The following PCDH15 variants were observed in gnomAD, a reference collection of about 807,000 sequenced individuals.
PCDH15 encodes protocadherin related 15.
A neutral mutation model predicts 178.5 loss-of-function variants in PCDH15; 129 were observed. That is an observed-to-expected ratio of 0.72 (90% confidence interval 0.63 to 0.84). The LOEUF (loss-of-function observed/expected upper bound fraction) is 0.84, where lower values mean the gene tolerates loss of function less well. Ranked by LOEUF, PCDH15 falls within the 40% of genes least tolerant of loss-of-function variation. The pLI, the probability that PCDH15 is intolerant of heterozygous loss-of-function variation, is 0.00. For synonymous variants in PCDH15, 800 were observed against 732.0 expected (o/e 1.09, Z -1.50); for missense variants, 2,230 against 2,099.9 (o/e 1.06, Z -1.21).
intron 8 of PCDH15, among the ~76,000 whole-genome samples, chr10:54,259,633 T>C (rs2057169885): frequency 1.3e-5 from 2 of 148,594 alleles, no homozygotes; most frequent in African/African-American, 5.1e-5. Flanking sequence ...GTTAATGTAG[T>C]GGGCTATTTA....
chr10:53,923,595 ATCT>A (rs1262171459), intron 25 of PCDH15, among the ~76,000 whole-genome samples: 1 of 152,222 alleles, frequency 6.6e-6, no homozygotes, highest in Admixed American at 6.5e-5. Context: ...AAACCAAGAA[ATCT>A]TCTACCTACT....
At chr10:55,453,378 T>A (rs1461309463) in intron 2 of PCDH15, among the ~76,000 whole-genome samples, 1 of 152,146 alleles carries the variant, frequency 6.6e-6, no homozygotes, top group Non-Finnish European at 1.5e-5. Flanking sequence ...CATGTTTAGG[T>A]TTTGTAATAG....
intron 1 of PCDH15, among the ~76,000 whole-genome samples, chr10:54,676,352 C>A (rs1259351998): frequency 6.6e-6 from 1 of 151,922 alleles, no homozygotes; most frequent in African/African-American, 2.4e-5. Flanking sequence ...ATCCCTATGT[C>A]TGAGTATACT....
rs1228774728 is a variant in PCDH15, at chr10:53,806,675, C to A, written c.5127G>T (p.Glu1709Asp). 23 of 1,613,832 alleles carry A rather than the reference C, an allele frequency of 1.4e-5. No individual in the cohort carries two copies. The highest frequency in any genetic ancestry group is 1.9e-5 in the Non-Finnish European group (23 of 1,179,796). The change falls in exon 38 of 38, where the codon GAG (glutamate) becomes GAT (aspartate). Residue 1709 changes from glutamate to aspartate, a missense_variant. Transcript: ENST00000644397. ...ESMIDSKNIKEALEFHSDHTQ... is the reference protein window; with the variant it reads ...ESMIDSKNIKDALEFHSDHTQ... ...TGTGGTCACTATGAAATTCCAAAGC[C>A]TCCTTGATGTTCTTACTGTCAATCA...
chr10:53,961,665 G>T, intron 22 of PCDH15, 87 bp downstream of exon 22: 1 of 1,002,514 alleles, frequency 1.0e-6, no homozygotes, highest in Non-Finnish European at 1.4e-6. Flanking sequence ...AAAATTGAAA[G>T]AAAAAAATGT....
chr10:54,103,032 T>C (rs1044346772), intron 15 of PCDH15, among the ~76,000 whole-genome samples: 9 of 152,156 alleles, frequency 5.9e-5, no homozygotes, highest in Non-Finnish European at 1.0e-4. Flanking sequence ...GGAAGAAAGA[T>C]TAACAGCATA....
chr10:54,928,568 G>A (rs1008519111), intron 2 of PCDH15, among the ~76,000 whole-genome samples: 2 of 151,846 alleles, frequency 1.3e-5, no homozygotes, highest in African/African-American at 4.8e-5. Flanking sequence ...TCTCTTTCAG[G>A]GACACCAATG....
chr10:55,395,196 T>TGTGAGA (rs1438872191), intron 2 of PCDH15, among the ~76,000 whole-genome samples: 24 of 126,696 alleles, frequency 1.9e-4, no homozygotes, highest in South Asian at 1.0e-3. Context: ...TGTGTGTGTG[T>TGTGAGA]GAGAGAGAGA....
intron 2 of PCDH15, among the ~76,000 whole-genome samples, chr10:54,616,152 A>C (rs2134328259): frequency 6.6e-6 from 1 of 152,088 alleles, no homozygotes; most frequent in African/African-American, 2.4e-5. Flanking sequence ...AGTTTAAAAA[A>C]CCCTCAAAAC....
At chr10:55,471,953 G>A (rs765026426) in intron 2 of PCDH15, among the ~76,000 whole-genome samples, 12 of 152,234 alleles carry the variant, frequency 7.9e-5, no homozygotes, top group Non-Finnish European at 1.3e-4. Flanking sequence ...GGTGACTCAC[G>A]GCCAATATGG....
At chr10:54,544,141 C>T (rs953777499) in intron 2 of PCDH15, among the ~76,000 whole-genome samples, 44 of 152,212 alleles carry the variant, frequency 2.9e-4, no homozygotes, top group African/African-American at 1.0e-3. Flanking sequence ...TTTGATCTGA[C>T]ATTTCTTGGG....
At chr10:55,449,565 A>C (rs1299115789) in intron 2 of PCDH15, among the ~76,000 whole-genome samples, 1 of 152,152 alleles carries the variant, frequency 6.6e-6, no homozygotes, top group Non-Finnish European at 1.5e-5. Context: ...TAAAGAACTA[A>C]AACTAAAAAG....
At chr10:55,499,152 G>A (rs1840598385) in intron 2 of PCDH15, among the ~76,000 whole-genome samples, 1 of 151,730 alleles carries the variant, frequency 6.6e-6, no homozygotes, top group South Asian at 2.1e-4. Flanking sequence ...TTCTTGGTGA[G>A]ACACTGAGCA....
chr10:54,169,991 T>G (rs1233088416), intron 13 of PCDH15, among the ~76,000 whole-genome samples: 99 of 151,032 alleles, frequency 6.6e-4, no homozygotes, highest in Admixed American at 1.3e-3. Context: ...CCCATTATTC[T>G]GTTCTAGATC....
intron 8 of PCDH15, among the ~76,000 whole-genome samples, chr10:54,289,994 C>A (rs964087230): frequency 1.3e-5 from 2 of 152,098 alleles, no homozygotes. Flanking sequence ...TCCAGGAGAA[C>A]CTCCCCAAAC....
intron 2 of PCDH15, among the ~76,000 whole-genome samples, chr10:54,961,299 G>A (rs535157125): frequency 6.6e-6 from 1 of 152,328 alleles, no homozygotes; most frequent in South Asian, 2.1e-4. Flanking sequence ...TTTGGGTGCT[G>A]ACGAGTGTGG....
chr10:53,885,147 C>A (rs925088680), intron 26 of PCDH15, among the ~76,000 whole-genome samples: 5 of 152,096 alleles, frequency 3.3e-5, no homozygotes, highest in African/African-American at 1.2e-4. Flanking sequence ...TACTTATGGT[C>A]TCTCTATAAA....
At chr10:53,904,511 A>G (rs1383782971) in intron 25 of PCDH15, among the ~76,000 whole-genome samples, 1 of 151,652 alleles carries the variant, frequency 6.6e-6, no homozygotes, top group African/African-American at 2.4e-5. Flanking sequence ...CAGACAGAAC[A>G]GTGAGTTAAC....
intron 2 of PCDH15, among the ~76,000 whole-genome samples, chr10:55,426,997 G>GA (rs1387604780): frequency 2.0e-5 from 3 of 151,526 alleles, no homozygotes; most frequent in Admixed American, 6.6e-5. Flanking sequence ...TCAGGCCATG[G>GA]ATTTTTTTTT....
Sources: allele counts gnomAD v4.1 joint callset (sites outside exome capture counted in the v4.1 genomes callset), GRCh38; gene constraint gnomAD v4.1.1; transcripts MANE v1.5; gene names NCBI Gene and HGNC (gene_info 2026-07-23, HGNC 2026-07-21).